Variants in KCND2 observed in about 807,000 individuals in gnomAD.
The protein encoded by KCND2 is A-type voltage-gated potassium channel KCND2.
Under a neutral mutation model 54.4 loss-of-function variants are expected in KCND2, and 16 were observed. The observed-to-expected ratio is 0.29, with a 90% CI of 0.20 to 0.45. The LOEUF (loss-of-function observed/expected upper bound fraction) is 0.45. KCND2 is among the 20% of genes least tolerant of loss of function. The pLI is 1.00. For synonymous variants in KCND2, 317 were observed against 310.7 expected (o/e 1.02, Z -0.21); for missense variants, 486 against 824.2 (o/e 0.59, Z 5.02).
At chr7:120,617,621 C>T (rs906571931) in intron 1 of KCND2, among the ~76,000 whole-genome samples, 2 of 152,098 alleles carry the variant, frequency 1.3e-5, no homozygotes, top group African/African-American at 4.8e-5. Flanking sequence ...AACTACCATT[C>T]GATCCAGCAA....
chr7:120,640,829 G>C (rs937291865), intron 1 of KCND2, among the ~76,000 whole-genome samples: 1 of 151,992 alleles, frequency 6.6e-6, no homozygotes, highest in Non-Finnish European at 1.5e-5. Flanking sequence ...TTTCTCCTGG[G>C]GTGCTTCTCC....
chr7:120,291,573 C>T (rs941682952), intron 1 of KCND2, among the ~76,000 whole-genome samples: 1 of 151,852 alleles, frequency 6.6e-6, no homozygotes, highest in Admixed American at 6.6e-5. Context: ...ATCCAGATTT[C>T]AGTTAACCCA....
chr7:120,417,222 G>C (rs1436054642), intron 1 of KCND2, among the ~76,000 whole-genome samples: 1 of 152,096 alleles, frequency 6.6e-6, no homozygotes, highest in Non-Finnish European at 1.5e-5. Flanking sequence ...TAAATAGATA[G>C]GACATCTCAT....
At chr7:120,674,039 G>A (rs1012769525) in intron 1 of KCND2, among the ~76,000 whole-genome samples, 6 of 151,912 alleles carry the variant, frequency 3.9e-5, no homozygotes, top group African/African-American at 1.5e-4. Context: ...CAAGTAGCTG[G>A]GACGCAGACA....
chr7:120,303,406 G>C (rs1047423435), intron 1 of KCND2, among the ~76,000 whole-genome samples: 21 of 152,072 alleles, frequency 1.4e-4, no homozygotes, highest in Admixed American at 1.3e-4. Context: ...TTTTTTGAAA[G>C]AAGAGATCTA....
intron 1 of KCND2, among the ~76,000 whole-genome samples, chr7:120,400,370 A>G (rs1366221913): frequency 6.6e-6 from 1 of 152,172 alleles, no homozygotes; most frequent in Non-Finnish European, 1.5e-5. Flanking sequence ...ACTCCAATAA[A>G]GCAAAGTCAT....
At chr7:120,522,712 T>C (rs1791714075) in intron 1 of KCND2, among the ~76,000 whole-genome samples, 1 of 152,194 alleles carries the variant, frequency 6.6e-6, no homozygotes, top group South Asian at 2.1e-4. Flanking sequence ...AGATTCTTTA[T>C]ATTCTAAATC....
intron 1 of KCND2, among the ~76,000 whole-genome samples, chr7:120,357,066 A>T (rs1800517138): frequency 6.6e-6 from 1 of 152,036 alleles, no homozygotes; most frequent in South Asian, 2.1e-4. Flanking sequence ...GCTCCTTCAG[A>T]TCTCTTGTAA....
At chr7:120,374,289 T>C (rs1484471806) in intron 1 of KCND2, among the ~76,000 whole-genome samples, 1 of 151,810 alleles carries the variant, frequency 6.6e-6, no homozygotes, top group Admixed American at 6.6e-5. Flanking sequence ...TAGTAGATAT[T>C]CAAGTCCGAA....
chr7:120,534,283 C>T (rs937409532), intron 1 of KCND2, among the ~76,000 whole-genome samples: 2 of 152,068 alleles, frequency 1.3e-5, no homozygotes, highest in Non-Finnish European at 1.5e-5. Flanking sequence ...GTTGATAGCT[C>T]GTACCATTGC....
At chr7:120,514,633 T>C (rs1436319887) in intron 1 of KCND2, among the ~76,000 whole-genome samples, 1 of 152,122 alleles carries the variant, frequency 6.6e-6, no homozygotes, top group Non-Finnish European at 1.5e-5. Flanking sequence ...TAGTATACTT[T>C]TATAGCAGTG....
In KCND2 at chr7:120,338,432, A is replaced by G. The variant is rs138149520; in HGVS notation, c.1115+62685A>G. On this transcript the variant is annotated intron_variant, in intron 1 of 5. Transcript: ENST00000331113. ...TTTAAGGGCTTTGTTTTTTATCTAA[A>G]TATCGTATGTTTTTGCTTCCATTCT... Among the ~76,000 whole-genome samples, 642 of 152,102 alleles carry G rather than the reference A, an allele frequency of 4.2e-3. 2 individuals carry two copies. Among genetic ancestry groups the G allele is most frequent in the Non-Finnish European group, 7.8e-3 (528 of 67,978 alleles).
chr7:120,307,493 A>G (rs566896010), intron 1 of KCND2, among the ~76,000 whole-genome samples: 17 of 152,236 alleles, frequency 1.1e-4, no homozygotes, highest in African/African-American at 4.1e-4. Flanking sequence ...GTTAAGAACT[A>G]CAGCAAGCAA....
At chr7:120,478,012 A>G (rs1255733653) in intron 1 of KCND2, among the ~76,000 whole-genome samples, 1 of 152,192 alleles carries the variant, frequency 6.6e-6, no homozygotes, top group East Asian at 1.9e-4. Flanking sequence ...TTATATTTGA[A>G]TGCTAACAAT....
chr7:120,663,019 A>G (rs1359386061), intron 1 of KCND2, among the ~76,000 whole-genome samples: 1 of 152,126 alleles, frequency 6.6e-6, no homozygotes, highest in Non-Finnish European at 1.5e-5. Context: ...CAGCTCTCCA[A>G]ATCCTCTGGG....
chr7:120,562,649 G>A (rs1792249345), intron 1 of KCND2, among the ~76,000 whole-genome samples: 1 of 152,074 alleles, frequency 6.6e-6, no homozygotes, highest in African/African-American at 2.4e-5. Flanking sequence ...TGATAAACTT[G>A]AATTGTATTC....
At chr7:120,640,684 C>A (rs1793360682) in intron 1 of KCND2, among the ~76,000 whole-genome samples, 1 of 152,002 alleles carries the variant, frequency 6.6e-6, no homozygotes, top group Non-Finnish European at 1.5e-5. Flanking sequence ...AAAGGAATAT[C>A]CAGCATTTAA....
chr7:120,384,188 G>A (rs1327862737), intron 1 of KCND2, among the ~76,000 whole-genome samples: 1 of 151,772 alleles, frequency 6.6e-6, no homozygotes, highest in Non-Finnish European at 1.5e-5. Context: ...TATTGCTATA[G>A]CGATATTTTC....
At chr7:120,288,996 G>A (rs1042293727) in intron 1 of KCND2, among the ~76,000 whole-genome samples, 1 of 151,330 alleles carries the variant, frequency 6.6e-6, no homozygotes, top group Non-Finnish European at 1.5e-5. Flanking sequence ...GAGTATATAT[G>A]GGGGGAGAGA....
Sources: allele counts gnomAD v4.1 joint callset (sites outside exome capture counted in the v4.1 genomes callset), GRCh38; gene constraint gnomAD v4.1.1; transcripts MANE v1.5; gene names NCBI Gene and HGNC (gene_info 2026-07-23, HGNC 2026-07-21).